Variants in FAM177B observed in about 807,000 individuals in gnomAD.
FAM177B encodes family with sequence similarity 177 member B, also known as protein FAM177B.
Under a neutral mutation model 16.1 loss-of-function variants are expected in FAM177B, and 16 were observed. The observed-to-expected ratio is 0.99, with a 90% confidence interval of 0.67 to 1.51. The LOEUF is 1.51. FAM177B is among the 40% of genes most tolerant of loss of function. The probability of loss-of-function intolerance (pLI) is 0.00; values close to 1 mark genes in which losing one functional copy is unlikely to be tolerated. For synonymous variants in FAM177B, 56 were observed against 59.9 expected, an observed-to-expected ratio of 0.93 and a Z score of 0.30; for missense variants, 178 against 183.7, an observed-to-expected ratio of 0.97 and a Z score of 0.18.
intron 2 of FAM177B, among the ~76,000 whole-genome samples, chr1:222,740,343 C>G (rs1027231883): frequency 1.3e-5 from 2 of 152,130 alleles, no homozygotes; most frequent in African/African-American, 4.8e-5. Flanking sequence ...TAATGGATGA[C>G]TGACAGTCCA....
At chr1:222,749,016 A>G in intron 4 of FAM177B, 1 of 472,058 alleles carries the variant, frequency 2.1e-6, no homozygotes, top group South Asian at 1.6e-5. Flanking sequence ...GCCTTAAACA[A>G]CTTCTGAGAA....
chr1:222,745,773 AT>A (rs1367062209), intron 2 of FAM177B, among the ~76,000 whole-genome samples: 1 of 152,116 alleles, frequency 6.6e-6, no homozygotes, highest in East Asian at 1.9e-4. Flanking sequence ...AATACAAAAA[AT>A]TATCCAGGCG....
rs1558251492 is a variant in FAM177B, at chr1:222,749,910, C to T, written c.340-11C>T. 1 of 1,613,784 alleles carries T rather than the reference C, an allele frequency of 6.2e-7. No individual in the cohort carries two copies. On this transcript the variant is annotated splice_polypyrimidine_tract_variant and intron_variant, in intron 5 of 5. Coordinates refer to ENST00000445590, the MANE Select transcript of FAM177B (RefSeq NM_001394345.1). ...TACAGTTAAACATTTCCTTATTTCT[C>T]TCCAAAACAGAAAAGTGACAACAAA...
intron 4 of FAM177B, 102 bp downstream of exon 4, chr1:222,747,183 C>T: frequency 1.2e-6 from 1 of 806,110 alleles, no homozygotes; most frequent in Non-Finnish European, 2.2e-6. Context: ...CACTCCATCG[C>T]ATCCTGAATA....
At chr1:222,744,898 A>G (rs966601621) in intron 2 of FAM177B, among the ~76,000 whole-genome samples, 7 of 152,344 alleles carry the variant, frequency 4.6e-5, no homozygotes, top group African/African-American at 1.7e-4. Flanking sequence ...CTATTAGAAC[A>G]CTTCCGTCAC....
At position 222,750,051 on chromosome 1, in the gene FAM177B, C is replaced by T. The variant is rs770130400; in HGVS notation, c.470C>T (p.Pro157Leu). 2 of 1,613,086 alleles carry T rather than the reference C, an allele frequency of 1.2e-6. No homozygotes were observed. The highest frequency in any genetic ancestry group is 1.1e-5 in the South Asian group (1 of 90,962). Residue 157 changes from proline to leucine, a missense_variant, in exon 6 of 6, where the codon CCT becomes CTT. Coordinates refer to ENST00000445590, the MANE Select transcript of FAM177B (RefSeq NM_001394345.1). ...CAACAGGATGTGACAGAGGCCATTC[C>T]TCAGTGAAGCACCTCATCCAGGGAG... ...TIQQDVTEAIPQ is the reference protein window; with the variant it reads ...TIQQDVTEAILQ
chr1:222,748,500 A>G (rs1431016834), intron 4 of FAM177B, among the ~76,000 whole-genome samples: 2 of 152,178 alleles, frequency 1.3e-5, no homozygotes, highest in Non-Finnish European at 2.9e-5. Context: ...TCAAGATTGT[A>G]GTGGAGGCAT....
chr1:222,747,753 A>G (rs1344397370), intron 4 of FAM177B, among the ~76,000 whole-genome samples: 1 of 152,224 alleles, frequency 6.6e-6, no homozygotes, highest in Non-Finnish European at 1.5e-5. Context: ...TTAGAAATTG[A>G]TCTTCATTCA....
Position 222,741,829 on chromosome 1 carries a change from T to C in FAM177B, c.-16+3808T>C, listed in dbSNP as rs1173471887. On this transcript the variant is annotated intron_variant, in intron 2 of 5. Transcript: ENST00000445590. ...CTTTCTTTCTTCTTTCTTTCTTTTTTCTTTCTTTCTTTTTTCCTTCCTTCC... is the reference window on the plus strand; with the variant it reads ...CTTTCTTTCTTCTTTCTTTCTTTTTCCTTTCTTTCTTTTTTCCTTCCTTCC... 5.3e-5 allele frequency among the ~76,000 whole-genome samples: 8 copies of C among 150,032 alleles called. No individual in the cohort carries two copies. In the East Asian group the frequency reaches 9.8e-4, roughly 18 times the overall value.
In FAM177B at chr1:222,750,699, C is replaced by G. The variant is rs902573276; in HGVS notation, c.*641C>G. On this transcript the variant is annotated 3_prime_UTR_variant, in exon 6 of 6. Transcript: ENST00000445590. ...ATGGATTATTTTCTTATTTATTTGT[C>G]AAGAAATTTTCAAAACCTGGAAAGA... 4.0e-6 allele frequency: 2 copies of G among 505,922 alleles called. No individual in the cohort carries two copies. The highest frequency in any genetic ancestry group is 5.1e-6 in the Non-Finnish European group (2 of 394,028). 31.3% of individuals were successfully genotyped at this position (505,922 alleles called of 1,614,324 possible).
At chr1:222,740,997 G>T (rs1394737520) in intron 2 of FAM177B, among the ~76,000 whole-genome samples, 1 of 149,348 alleles carries the variant, frequency 6.7e-6, no homozygotes, top group African/African-American at 2.5e-5. Flanking sequence ...CCGCGCCCGG[G>T]TTTGTTATCC....
chr1:222,743,225 G>A (rs1475944537), intron 2 of FAM177B, among the ~76,000 whole-genome samples: 3 of 152,120 alleles, frequency 2.0e-5, no homozygotes, highest in Non-Finnish European at 2.9e-5. Flanking sequence ...TCGGCTCACT[G>A]CAACCTCCAC....
At chr1:222,747,235 C>G in intron 4 of FAM177B, 154 bp downstream of exon 4, 1 of 609,934 alleles carries the variant, frequency 1.6e-6, no homozygotes, top group Non-Finnish European at 3.0e-6. Flanking sequence ...AGGCACAGAA[C>G]TTCGCATCCT....
intron 2 of FAM177B, among the ~76,000 whole-genome samples, chr1:222,741,822 TC>T (rs1233765666): frequency 2.0e-5 from 3 of 149,800 alleles, no homozygotes; most frequent in Non-Finnish European, 3.0e-5. Context: ...CTTCTTTCTT[TC>T]TTTTTTCTTT....
At position 222,742,098 on chromosome 1, in the gene FAM177B, G is replaced by A. The variant is rs563428702; in HGVS notation, c.-16+4077G>A. On this transcript the variant is annotated intron_variant, in intron 2 of 5. Transcript: ENST00000445590. ...TAGGATTATAGGTGTGAGCCACAGCGCCCGGCCTGTATTCACTTCTGAAAC... is the reference window on the plus strand; with the variant it reads ...TAGGATTATAGGTGTGAGCCACAGCACCCGGCCTGTATTCACTTCTGAAAC... Among the ~76,000 whole-genome samples the A allele has an allele frequency of 1.5e-4, 23 of 151,878 alleles. 1 individual carries two copies. In the South Asian group the frequency reaches 4.6e-3, roughly 30 times the overall value.
In FAM177B at chr1:222,750,008, C is replaced by T. The variant is rs369297769; in HGVS notation, c.427C>T (p.Gln143Ter). The change falls in exon 6 of 6, where the codon CAA becomes TAA. Residue 143 changes from glutamine (Q) to a stop codon, truncating the protein, a stop_gained. Coordinates refer to ENST00000445590, the MANE Select transcript of FAM177B (RefSeq NM_001394345.1). LOFTEE classifies it low-confidence loss of function (END_TRUNC). The part of the protein sequence containing the change: ...NEKCHLEAGV[Q>*]EYGTIQQDVT... ...AAAGTGTCACTTGGAGGCTGGGGTCCAAGAGTATGGAACCATACAACAGGA... is the reference window on the plus strand; with the variant it reads ...AAAGTGTCACTTGGAGGCTGGGGTCTAAGAGTATGGAACCATACAACAGGA... 1.0e-4 allele frequency: 166 copies of T among 1,613,894 alleles called. No homozygotes were observed. Among genetic ancestry groups the T allele is most frequent in the Admixed American group, 2.3e-4 (14 of 59,984 alleles).
rs762871916 is a variant in FAM177B at position 222,746,635 on chromosome 1, C to T, written c.90C>T (p.Asp30=). The T allele has an allele frequency of 2.1e-5, 34 of 1,612,536 alleles. No individual in the cohort carries two copies. The highest frequency in any genetic ancestry group is 9.9e-5 in the South Asian group (9 of 91,034). Residue 30 remains aspartate, a synonymous_variant, in exon 3 of 6, where the codon GAC becomes GAT. Transcript: ENST00000445590. ...CTAAAAGGATTATCCATTTTGTTGA[C>T]GGAGACATCATGGAAGAATATAGCA... ...TTPKRIIHFV[D]GDIMEEYSTE...
chr1:222,744,468 ATCTC>A (rs1658698902), intron 2 of FAM177B, among the ~76,000 whole-genome samples: 1 of 144,802 alleles, frequency 6.9e-6, no homozygotes, highest in Admixed American at 6.9e-5. Flanking sequence ...GTGAAACTCC[ATCTC>A]AAAAAAAAAA....
Position 222,749,507 on chromosome 1 carries a change from T to C in FAM177B, c.284T>C (p.Leu95Pro). ...GGAAGATTTGCTGTCTTCTTTGGTC[T>C]TACTCAACCCAAATATCAGTATGTG... Reference protein sequence around the residue: ...LGGRFAVFFGLTQPKYQYVLN... With the variant: ...LGGRFAVFFGPTQPKYQYVLN... Residue 95 changes from leucine to proline, a missense_variant, in exon 5 of 6, where the codon CTT becomes CCT. Coordinates refer to ENST00000445590, the MANE Select transcript of FAM177B (RefSeq NM_001394345.1). 5 of 1,611,534 alleles carry C rather than the reference T, an allele frequency of 3.1e-6. No homozygotes were observed. Among genetic ancestry groups the C allele is most frequent in the Non-Finnish European group, 4.2e-6 (5 of 1,178,348 alleles).
Sources: allele counts gnomAD v4.1 joint callset (sites outside exome capture counted in the v4.1 genomes callset), GRCh38; gene constraint gnomAD v4.1.1; transcripts MANE v1.5; gene names NCBI Gene and HGNC (gene_info 2026-07-23, HGNC 2026-07-21).